Variants in ACACA observed in about 807,000 individuals in gnomAD.
The protein encoded by ACACA is acetyl-CoA carboxylase 1.
A neutral mutation model predicts 296.1 loss-of-function variants in ACACA; 103 were observed. The ratio of observed to expected loss-of-function variants is 0.35; its 90% CI spans 0.30 to 0.41. The LOEUF (loss-of-function observed/expected upper bound fraction) is 0.41. Ranked by LOEUF, ACACA falls within the 10% of genes least tolerant of loss-of-function variation. ACACA has a pLI of 1.00. For synonymous variants in ACACA, 953 were observed against 1,038.6 expected, an observed-to-expected ratio of 0.92 and a Z score of 1.58; for missense variants, 1,554 against 2,989.7, an observed-to-expected ratio of 0.52 and a Z score of 11.20.
At chr17:37,175,315 T>C (rs2077068436) in intron 41 of ACACA, among the ~76,000 whole-genome samples, 2 of 152,248 alleles carry the variant, frequency 1.3e-5, no homozygotes, top group South Asian at 4.1e-4. Context: ...GGCTTGATCT[T>C]AGCCTGAGCT....
At chr17:37,168,163 C>T (rs76262626) in intron 41 of ACACA, among the ~76,000 whole-genome samples, 4,032 of 152,180 alleles carry the variant, frequency 0.026, 66 homozygotes, top group Non-Finnish European at 0.03. Context: ...TAAAAATCTA[C>T]GGCATAAGTT....
At chr17:37,334,968 G>A (rs764044362) in intron 2 of ACACA, among the ~76,000 whole-genome samples, 7 of 152,088 alleles carry the variant, frequency 4.6e-5, no homozygotes, top group Admixed American at 6.6e-5. Flanking sequence ...ATTAATCCCA[G>A]TTGTCCTGGA....
intron 30 of ACACA, among the ~76,000 whole-genome samples, chr17:37,208,284 T>C (rs760126319): frequency 8.5e-5 from 13 of 152,190 alleles, no homozygotes; most frequent in Non-Finnish European, 1.5e-4. Flanking sequence ...GGTATATATA[T>C]GTATGTAAAA....
At chr17:37,183,889 G>A (rs1211155568) in intron 39 of ACACA, among the ~76,000 whole-genome samples, 1 of 100,902 alleles carries the variant, frequency 9.9e-6, no homozygotes, top group African/African-American at 4.0e-5. Context: ...TTTCACTCTT[G>A]TTGCCCAGGC....
intron 52 of ACACA, among the ~76,000 whole-genome samples, chr17:37,102,862 T>C (rs1336101215): frequency 1.3e-5 from 2 of 152,214 alleles, no homozygotes; most frequent in Non-Finnish European, 2.9e-5. Flanking sequence ...CCTGTAATGC[T>C]CTGGCCCTCC....
chr17:37,168,569 GATTTCCCAT>G (rs1159328615), intron 41 of ACACA, among the ~76,000 whole-genome samples: 1 of 151,610 alleles, frequency 6.6e-6, no homozygotes, highest in East Asian at 1.9e-4. Context: ...CAGCCTAATT[GATTTCCCAT>G]ATTTTAGAGG....
rs1236831484 is a variant in ACACA at position 37,214,737 on chromosome 17, T to C, written c.3684-4247A>G. 3.5e-4 allele frequency among the ~76,000 whole-genome samples: 53 copies of C among 152,240 alleles called. 1 individual carries two copies. Among genetic ancestry groups the C allele is most frequent in the Admixed American group, 3.4e-3 (52 of 15,278 alleles). ...GCACTTAAACCTGCTGAGAATCTTC[T>C]CTTCTGCCAGATACTTGCATCTTAT... On this transcript the variant is annotated intron_variant, in intron 29 of 55. Coordinates refer to ENST00000616317, the MANE Select transcript of ACACA (RefSeq NM_198834.3).
chr17:37,159,486 T>C (rs2076381788), intron 42 of ACACA, among the ~76,000 whole-genome samples: 1 of 152,214 alleles, frequency 6.6e-6, no homozygotes, highest in African/African-American at 2.4e-5. Context: ...CCTCCCGAAG[T>C]GCTGGGTTAC....
chr17:37,152,046 C>T (rs968942577), intron 43 of ACACA, among the ~76,000 whole-genome samples: 3 of 151,992 alleles, frequency 2.0e-5, no homozygotes, highest in Non-Finnish European at 2.9e-5. Context: ...CCACCCGCCT[C>T]GGCCTCCCAA....
chr17:37,399,056 G>A (rs530229295), intron 1 of ACACA, among the ~76,000 whole-genome samples: 67 of 148,306 alleles, frequency 4.5e-4, no homozygotes, highest in African/African-American at 1.6e-3. Context: ...CTCGGCTCAC[G>A]GCAACCTCTG....
chr17:37,264,279 C>T (rs775872883), intron 10 of ACACA, among the ~76,000 whole-genome samples: 2 of 152,202 alleles, frequency 1.3e-5, no homozygotes, highest in African/African-American at 2.4e-5. Context: ...GTTCACATTA[C>T]ATCATATATG....
At chr17:37,383,555 T>C (rs1038683111) in intron 1 of ACACA, among the ~76,000 whole-genome samples, 7 of 152,198 alleles carry the variant, frequency 4.6e-5, no homozygotes, top group African/African-American at 1.4e-4. Context: ...AAAAAACCTA[T>C]TTATTTATTT....
intron 1 of ACACA, chr17:37,391,863 G>A: frequency 1.2e-6 from 1 of 800,424 alleles, no homozygotes; most frequent in Non-Finnish European, 2.1e-6. Flanking sequence ...TTAATGAAGG[G>A]AGAGTGTGGG....
intron 3 of ACACA, among the ~76,000 whole-genome samples, chr17:37,288,991 G>A (rs909048887): frequency 6.6e-6 from 1 of 152,118 alleles, no homozygotes; most frequent in Non-Finnish European, 1.5e-5. Context: ...TGCCAGGCAT[G>A]GTGGCTCCCG....
chr17:37,098,098 G>T, intron 52 of ACACA, 114 bp from the exon 53 acceptor site: 2 of 1,326,986 alleles, frequency 1.5e-6, no homozygotes, highest in Non-Finnish European at 2.2e-6. Flanking sequence ...TTCCCTCTGT[G>T]GCCTGGCTCT....
intron 52 of ACACA, among the ~76,000 whole-genome samples, chr17:37,100,152 C>T (rs1196902546): frequency 1.3e-5 from 2 of 152,052 alleles, no homozygotes; most frequent in South Asian, 2.1e-4. Context: ...GAAAAATCAC[C>T]GTTTTACAAG....
chr17:37,174,020 A>ATATTTTTT (rs552735515), intron 41 of ACACA, among the ~76,000 whole-genome samples: 2 of 16,794 alleles, frequency 1.2e-4, no homozygotes, highest in African/African-American at 2.6e-4. Context: ...ATATATATAT[A>ATATTTTTT]TTTTTTTTTT....
chr17:37,092,487 C>T (rs1309692508), intron 54 of ACACA, among the ~76,000 whole-genome samples: 2 of 152,212 alleles, frequency 1.3e-5, no homozygotes, highest in Admixed American at 6.5e-5. Context: ...GTTCAACAGA[C>T]ACTTTCTGTC....
intron 50 of ACACA, among the ~76,000 whole-genome samples, chr17:37,117,662 T>C (rs2074320483): frequency 6.6e-6 from 1 of 152,200 alleles, no homozygotes; most frequent in African/African-American, 2.4e-5. Flanking sequence ...AATTTTGCAT[T>C]ATGCTGAATA....
Sources: gnomAD v4.1 joint callset for allele counts (sites outside exome capture counted in the v4.1 genomes callset) on GRCh38, gnomAD v4.1.1 for gene constraint, MANE v1.5 for transcripts, NCBI Gene and HGNC (gene_info 2026-07-23, HGNC 2026-07-21) for gene names.